WARS2: variants seen among roughly 807,000 people sequenced by gnomAD.
WARS2 encodes tryptophan--tRNA ligase, mitochondrial.
Under a neutral mutation model 36.5 loss-of-function variants are expected in WARS2, and 28 were observed. The ratio of observed to expected loss-of-function variants is 0.77; its 90% CI spans 0.57 to 1.05. The LOEUF is 1.05. Among genes scored for constraint, WARS2 ranks in the 50% least tolerant of loss-of-function variants. WARS2 has a pLI of 0.00. For synonymous variants in WARS2, 174 were observed against 178.4 expected (o/e 0.98, Z 0.20); for missense variants, 435 against 456.8 (o/e 0.95, Z 0.44).
chr1:119,095,461 T>G (rs587620982), intron 1 of WARS2, among the ~76,000 whole-genome samples: 1 of 152,278 alleles, frequency 6.6e-6, no homozygotes, highest in East Asian at 1.9e-4. Flanking sequence ...TCTCACTCTG[T>G]CACCCATGCT....
At chr1:119,061,521 A>T (rs1237086095) in intron 2 of WARS2, among the ~76,000 whole-genome samples, 1 of 152,198 alleles carries the variant, frequency 6.6e-6, no homozygotes, top group African/African-American at 2.4e-5. Context: ...AGGAAGATAG[A>T]GTTAGAAGAT....
At chr1:119,120,548 A>G (rs1374368248) in intron 1 of WARS2, among the ~76,000 whole-genome samples, 5 of 152,144 alleles carry the variant, frequency 3.3e-5, no homozygotes, top group Non-Finnish European at 5.9e-5. Flanking sequence ...AAATCATTCT[A>G]TGAAAACATC....
At chr1:119,053,822 A>G (rs1282642633) in intron 2 of WARS2, among the ~76,000 whole-genome samples, 2 of 152,156 alleles carry the variant, frequency 1.3e-5, no homozygotes, top group African/African-American at 4.8e-5. Context: ...AGGCAGGAGG[A>G]TTGTTTCAGC....
intron 1 of WARS2, among the ~76,000 whole-genome samples, chr1:119,088,038 G>A (rs1037115357): frequency 2.0e-5 from 3 of 152,144 alleles, no homozygotes; most frequent in East Asian, 3.9e-4. Flanking sequence ...AAATTTATGC[G>A]GCCCGGGCTT....
At chr1:119,085,415 T>C in intron 1 of WARS2, 1 of 1,449,936 alleles carries the variant, frequency 6.9e-7, no homozygotes, top group Non-Finnish European at 9.6e-7. Context: ...ACGAAGAGGA[T>C]GGTTGCTCTG....
chr1:119,130,203 A>G (rs2101566766), intron 1 of WARS2, among the ~76,000 whole-genome samples: 1 of 152,350 alleles, frequency 6.6e-6, no homozygotes, highest in South Asian at 2.1e-4. Context: ...TATAAGTTGA[A>G]GAAAGCATAC....
chr1:119,105,893 G>C (rs1190772554), intron 1 of WARS2, among the ~76,000 whole-genome samples: 1 of 152,160 alleles, frequency 6.6e-6, no homozygotes, highest in African/African-American at 2.4e-5. Flanking sequence ...CTAAGCAACA[G>C]AGTGAGACTC....
chr1:119,034,800 G>A (rs911320569), intron 4 of WARS2, among the ~76,000 whole-genome samples: 4 of 152,186 alleles, frequency 2.6e-5, no homozygotes, highest in African/African-American at 9.7e-5. Context: ...GTACAATGTA[G>A]ATGGCTATCA....
chr1:119,053,293 A>C (rs1240058970), intron 2 of WARS2, among the ~76,000 whole-genome samples: 1 of 152,366 alleles, frequency 6.6e-6, no homozygotes, highest in South Asian at 2.1e-4. Flanking sequence ...AGGAAGAGAT[A>C]GTAGCAATGG....
chr1:119,046,297 T>G (rs1359576716), intron 2 of WARS2, among the ~76,000 whole-genome samples: 2 of 150,162 alleles, frequency 1.3e-5, no homozygotes, highest in Non-Finnish European at 3.0e-5. Context: ...TTTTTTTTTT[T>G]TTTTTTTTTT....
At chr1:119,060,321 G>A (rs1415905355) in intron 2 of WARS2, among the ~76,000 whole-genome samples, 1 of 152,158 alleles carries the variant, frequency 6.6e-6, no homozygotes, top group Non-Finnish European at 1.5e-5. Flanking sequence ...CTCCCTTCCT[G>A]TCTTCCTGGC....
rs750111138 is a variant in WARS2 at position 119,103,184 on chromosome 1, T to TGTTG, written c.91-26581_91-26578dup. 7.2e-5 allele frequency among the ~76,000 whole-genome samples: 11 copies of TGTTG among 152,348 alleles called. No homozygotes were observed. The South Asian group carries it at 1.0e-3, about 14-fold the overall frequency. On this transcript the variant is annotated intron_variant, in intron 1 of 5. Transcript: ENST00000235521. The stretch of plus-strand genomic sequence containing the variant: ...ACTGGTCCATGTTTGTTTGCTTGTT[T>TGTTG]GTTGGTTGGTTGGTTGTTTTGGTTT...
chr1:119,067,645 G>A (rs1183309381), intron 2 of WARS2, among the ~76,000 whole-genome samples: 4 of 152,140 alleles, frequency 2.6e-5, no homozygotes, highest in African/African-American at 9.7e-5. Context: ...GGAGGAGGGT[G>A]ATAGAAAGTT....
intron 1 of WARS2, among the ~76,000 whole-genome samples, chr1:119,132,432 C>T (rs1280548660): frequency 6.6e-6 from 1 of 152,176 alleles, no homozygotes; most frequent in African/African-American, 2.4e-5. Context: ...TGGTCCTTTA[C>T]ATCTCCCTTG....
At chr1:119,100,518 T>C (rs1337935989) in intron 1 of WARS2, among the ~76,000 whole-genome samples, 2 of 152,210 alleles carry the variant, frequency 1.3e-5, no homozygotes, top group African/African-American at 2.4e-5. Flanking sequence ...CTATTCACAA[T>C]AGCAAAGCTA....
chr1:119,046,153 AT>A (rs1365827201), intron 2 of WARS2, among the ~76,000 whole-genome samples: 1 of 152,120 alleles, frequency 6.6e-6, no homozygotes, highest in Non-Finnish European at 1.5e-5. Context: ...AACATTAAAG[AT>A]TGAATTCTTT....
At position 119,042,266 on chromosome 1, in the gene WARS2, G is replaced by T. The variant is rs1170249132; in HGVS notation, c.513C>A (p.Tyr171Ter). 1 of 1,613,746 alleles carries T rather than the reference G, an allele frequency of 6.2e-7. No homozygotes were observed. The highest frequency in any genetic ancestry group is 8.5e-7 in the Non-Finnish European group (1 of 1,179,818). ...PVLQAADILL[Y>*]KSTHVPVGED... Reference sequence around the variant, plus strand: ...ACTGGGCTGAACTCTCTTCTTACTTGTACAACAGAATGTCGGCTGCCTGGA... The same window carrying T: ...ACTGGGCTGAACTCTCTTCTTACTTTTACAACAGAATGTCGGCTGCCTGGA... Residue 171 changes from tyrosine to a stop codon, truncating the protein, a stop_gained and splice_region_variant, in exon 4 of 6, where the codon TAC becomes TAA. Transcript: ENST00000235521. LOFTEE classifies it high-confidence loss of function.
chr1:119,131,472 T>G (rs990251658), intron 1 of WARS2, among the ~76,000 whole-genome samples: 21 of 150,098 alleles, frequency 1.4e-4, no homozygotes, highest in South Asian at 4.2e-4. Flanking sequence ...TTTGTTTTTT[T>G]TTTTTTTGAG....
chr1:119,135,467 G>C (rs1022496796), intron 1 of WARS2, among the ~76,000 whole-genome samples: 3 of 152,166 alleles, frequency 2.0e-5, no homozygotes, highest in Non-Finnish European at 4.4e-5. Context: ...AAAAGCATAG[G>C]CAAGACTAGG....
Sources: gnomAD v4.1 joint callset for allele counts (sites outside exome capture counted in the v4.1 genomes callset) on GRCh38, gnomAD v4.1.1 for gene constraint, MANE v1.5 for transcripts, NCBI Gene and HGNC (gene_info 2026-07-23, HGNC 2026-07-21) for gene names.